POU3F3: variants seen among roughly 807,000 people sequenced by gnomAD.
POU3F3 encodes POU domain, class 3, transcription factor 3.
A neutral mutation model predicts 8.6 loss-of-function variants in POU3F3; 1 was observed. That is an observed-to-expected ratio of 0.12 (90% CI 0.04 to 0.55). POU3F3 has a LOEUF of 0.55. Among genes scored for constraint, POU3F3 ranks in the 20% least tolerant of loss-of-function variants. The pLI is 0.91. For missense variants in POU3F3, 577 were observed against 690.7 expected, an observed-to-expected ratio of 0.84 and a Z score of 1.84; for synonymous variants, 418 against 327.4, an observed-to-expected ratio of 1.28 and a Z score of -2.99.
chr2:104,855,763 A>G lies in POU3F3; in HGVS notation c.253A>G (p.Ser85Gly), dbSNP rs1480915600. 2 of 1,305,210 alleles carry G rather than the reference A, an allele frequency of 1.5e-6. No homozygotes were observed. The highest frequency in any genetic ancestry group is 2.0e-6 in the Non-Finnish European group (2 of 1,005,268). The allele number at this position is 1,305,210 out of a possible 1,614,324, so 80.9% of individuals were successfully genotyped here. ...SDFMQGAMAA[S>G]NGGHMLSHAH... ...CTTCATGCAGGGGGCCATGGCCGCC[A>G]GCAACGGCGGCCATATGCTGAGCCA... The change falls in exon 1 of 1, where the codon AGC (serine) becomes GGC (glycine). Residue 85 changes from serine (S) to glycine (G), a missense_variant. Ser to Gly is a moderately conservative substitution (Grantham distance 56). This residue lies in a region of POU3F3 where 484 missense variants were observed against 422.6 expected (regional missense o/e 1.15). Coordinates refer to ENST00000361360, the MANE Select transcript of POU3F3 (RefSeq NM_006236.3).
chr2:104,920,298 A>G, the POU3F3 span, among the ~76,000 whole-genome samples: 3 of 152,194 alleles, frequency 2.0e-5, no homozygotes, highest in African/African-American at 7.2e-5. Context: ...TACAGGCGTG[A>G]GCCACCGTGC....
the POU3F3 span, among the ~76,000 whole-genome samples, chr2:104,871,120 C>T: frequency 5.9e-5 from 9 of 152,124 alleles, no homozygotes; most frequent in African/African-American, 9.7e-5. Flanking sequence ...TAGGGTCTGC[C>T]GGATTATCAG....
chr2:104,905,048 C>T, the POU3F3 span, among the ~76,000 whole-genome samples: 8 of 152,098 alleles, frequency 5.3e-5, no homozygotes, highest in African/African-American at 1.9e-4. Context: ...CAACTGCCAT[C>T]GCAGCGACAA....
At chr2:104,927,699 A>T in the POU3F3 span, among the ~76,000 whole-genome samples, 1 of 145,464 alleles carries the variant, frequency 6.9e-6, no homozygotes, top group Non-Finnish European at 1.5e-5. Context: ...GTGAATTATA[A>T]TTGTGCCACT....
At chr2:104,897,566 C>A in the POU3F3 span, among the ~76,000 whole-genome samples, 2 of 152,186 alleles carry the variant, frequency 1.3e-5, no homozygotes, top group African/African-American at 4.8e-5. Context: ...TGGTGAGTGG[C>A]ACAAACACCC....
At chr2:104,913,701 C>A in the POU3F3 span, among the ~76,000 whole-genome samples, 13 of 152,180 alleles carry the variant, frequency 8.5e-5, no homozygotes, top group African/African-American at 2.4e-4. Flanking sequence ...TTTTTAAAAC[C>A]TTTTCACTGA....
At chr2:104,881,800 G>A in the POU3F3 span, among the ~76,000 whole-genome samples, 2 of 152,170 alleles carry the variant, frequency 1.3e-5, no homozygotes, top group African/African-American at 4.8e-5. Context: ...TGCAGCTTGA[G>A]CTGGTGCTGC....
the POU3F3 span, among the ~76,000 whole-genome samples, chr2:104,893,434 A>C: frequency 6.6e-6 from 1 of 152,246 alleles, no homozygotes; most frequent in Non-Finnish European, 1.5e-5. Context: ...CTGTGGCCGC[A>C]CAAGGGAAAG....
the POU3F3 span, among the ~76,000 whole-genome samples, chr2:104,908,160 T>C: frequency 6.6e-6 from 1 of 152,224 alleles, no homozygotes; most frequent in Non-Finnish European, 1.5e-5. Context: ...GTCCATTTGG[T>C]CTTTTTAAAG....
chr2:104,920,295 G>T, the POU3F3 span, among the ~76,000 whole-genome samples: 2 of 152,162 alleles, frequency 1.3e-5, no homozygotes, highest in East Asian at 1.9e-4. Flanking sequence ...GATTACAGGC[G>T]TGAGCCACCG....
chr2:104,894,727 T>C, the POU3F3 span, among the ~76,000 whole-genome samples: 1 of 152,200 alleles, frequency 6.6e-6, no homozygotes, highest in Non-Finnish European at 1.5e-5. Flanking sequence ...AAAAGCACAC[T>C]GTCCAAAAAA....
At chr2:104,889,342 C>T in the POU3F3 span, among the ~76,000 whole-genome samples, 789 of 152,214 alleles carry the variant, frequency 5.2e-3, 11 homozygotes, top group African/African-American at 0.017. Flanking sequence ...CCTGCTAGTG[C>T]GGCTTCCCAC....
At chr2:104,912,824 C>T in the POU3F3 span, among the ~76,000 whole-genome samples, 2 of 152,312 alleles carry the variant, frequency 1.3e-5, no homozygotes, top group South Asian at 4.1e-4. Context: ...ATGTCAGCAT[C>T]CCTTCTGACT....
chr2:104,912,846 G>C, the POU3F3 span, among the ~76,000 whole-genome samples: 1 of 152,294 alleles, frequency 6.6e-6, no homozygotes, highest in Admixed American at 6.5e-5. Flanking sequence ...GGAGGTATGT[G>C]ACATTCATGG....
chr2:104,927,035 A>G, the POU3F3 span, among the ~76,000 whole-genome samples: 10 of 152,284 alleles, frequency 6.6e-5, no homozygotes, highest in African/African-American at 2.4e-4. Flanking sequence ...ACAAACCACC[A>G]TGGTGTGTGT....
chr2:104,883,449 T>C, the POU3F3 span, among the ~76,000 whole-genome samples: 1 of 152,226 alleles, frequency 6.6e-6, no homozygotes, highest in Admixed American at 6.5e-5. Flanking sequence ...GGTCTCTCAT[T>C]AGACAGGGCT....
At position 104,855,411 on chromosome 2, in the gene POU3F3, GGC is replaced by G; in HGVS notation, c.-98_-97del. On this transcript the variant is annotated 5_prime_UTR_variant, in exon 1 of 1. Transcript: ENST00000361360. ...GGAAGGAGGGGGGGAGGAGGCGGGA[GGC>G]GGGGGGCGCGGCGGCGGCGGCGGCG... The G allele has an allele frequency of 1.8e-6, 1 of 555,928 alleles. No individual in the cohort carries two copies. The highest frequency in any genetic ancestry group is 2.2e-6 in the Non-Finnish European group (1 of 445,136). The allele number at this position is 555,928 out of a possible 1,614,324, so 34.4% of individuals were successfully genotyped here.
the POU3F3 span, among the ~76,000 whole-genome samples, chr2:104,891,954 T>C: frequency 6.6e-6 from 1 of 152,208 alleles, no homozygotes; most frequent in African/African-American, 2.4e-5. Flanking sequence ...ATTATGCTTA[T>C]AGCTCACTAA....
chr2:104,884,332 T>C, the POU3F3 span, among the ~76,000 whole-genome samples: 1 of 152,100 alleles, frequency 6.6e-6, no homozygotes, highest in African/African-American at 2.4e-5. Context: ...AGGATGAGAA[T>C]TTGTGGAACT....
Sources: allele counts gnomAD v4.1 joint callset (sites outside exome capture counted in the v4.1 genomes callset), GRCh38; gene constraint gnomAD v4.1.1; regional missense constraint gnomAD v4.1.1; transcripts MANE v1.5; gene names NCBI Gene and HGNC (gene_info 2026-07-23, HGNC 2026-07-21).